The following ROBO1 variants were observed in gnomAD, a reference collection of about 807,000 sequenced individuals.
ROBO1 encodes the protein roundabout homolog 1.
In ROBO1, 149 loss-of-function variants were observed where a neutral mutation model predicts 195.9. The ratio of observed to expected loss-of-function variants is 0.76; its 90% CI spans 0.67 to 0.87. The LOEUF (loss-of-function observed/expected upper bound fraction) is 0.87. Among genes scored for constraint, ROBO1 ranks in the 40% least tolerant of loss-of-function variants. The pLI is 0.00. For missense variants in ROBO1, 1,933 were observed against 2,068.3 expected (o/e 0.93, Z 1.27); for synonymous variants, 816 against 733.2 (o/e 1.11, Z -1.82).
intron 3 of ROBO1, among the ~76,000 whole-genome samples, chr3:79,034,897 C>A (rs2078356443): frequency 6.6e-6 from 1 of 151,866 alleles, no homozygotes; most frequent in Non-Finnish European, 1.5e-5. Flanking sequence ...AATATGTGAG[C>A]CCAATTTTGT....
intron 1 of ROBO1, among the ~76,000 whole-genome samples, chr3:79,633,310 A>ACAACAGGTG (rs1412689690): frequency 6.6e-6 from 1 of 150,828 alleles, no homozygotes; most frequent in Non-Finnish European, 1.5e-5. Flanking sequence ...AATAACTGGG[A>ACAACAGGTG]CAACAGGTGC....
chr3:79,495,028 G>A (rs1377206860), intron 2 of ROBO1, among the ~76,000 whole-genome samples: 1 of 152,050 alleles, frequency 6.6e-6, no homozygotes, highest in African/African-American at 2.4e-5. Flanking sequence ...TAGGTAGATA[G>A]ATAGATAGAT....
intron 4 of ROBO1, among the ~76,000 whole-genome samples, chr3:78,845,702 C>T (rs549990514): frequency 5.3e-5 from 8 of 150,854 alleles, no homozygotes; most frequent in African/African-American, 2.0e-4. Flanking sequence ...AGCCTAATGC[C>T]CATCATGTCT....
rs147250574 is a variant in ROBO1 at position 79,749,643 on chromosome 3, T to C, written c.-51+18109A>G. ...CCCCGTGTTCCAGCAACTCCAGCCATGGCTGAAAGGGAGCTTGGCCCATGG... is the reference window on the plus strand; with the variant it reads ...CCCCGTGTTCCAGCAACTCCAGCCACGGCTGAAAGGGAGCTTGGCCCATGG... On this transcript the variant is annotated intron_variant, in intron 1 of 30. Transcript: ENST00000464233. 8.5e-4 allele frequency among the ~76,000 whole-genome samples: 129 copies of C among 152,304 alleles called. No individual in the cohort carries two copies. The Middle Eastern group carries it at 0.01, about 12-fold the overall frequency.
intron 16 of ROBO1, 151 bp downstream of exon 16, chr3:78,660,875 CTAAA>C (rs1387811911): frequency 3.3e-6 from 2 of 614,374 alleles, no homozygotes; most frequent in Non-Finnish European, 5.4e-6. Context: ...TTCTAGTTTT[CTAAA>C]TAAACAAATA....
At chr3:78,870,499 C>A (rs1307464033) in intron 4 of ROBO1, among the ~76,000 whole-genome samples, 3 of 152,180 alleles carry the variant, frequency 2.0e-5, no homozygotes, top group Non-Finnish European at 4.4e-5. Context: ...AAAAAGCATT[C>A]TCTTGCATTG....
chr3:79,415,400 T>A (rs1031375988), intron 2 of ROBO1, among the ~76,000 whole-genome samples: 2 of 152,128 alleles, frequency 1.3e-5, no homozygotes, highest in African/African-American at 4.8e-5. Flanking sequence ...AATTTAAAGG[T>A]TCTTTGAGAA....
chr3:79,565,635 A>G (rs1943065725), intron 2 of ROBO1, among the ~76,000 whole-genome samples: 2 of 152,122 alleles, frequency 1.3e-5, no homozygotes, highest in South Asian at 4.1e-4. Context: ...GAAACCGCCA[A>G]GATTAAAATG....
intron 2 of ROBO1, among the ~76,000 whole-genome samples, chr3:79,188,327 T>C (rs1576790990): frequency 6.6e-6 from 1 of 152,012 alleles, no homozygotes; most frequent in Middle Eastern, 3.4e-3. Flanking sequence ...AAAAAAGCAG[T>C]AGTTACATTA....
intron 10 of ROBO1, 172 bp from the exon 11 acceptor site, chr3:78,670,473 A>G (rs1423156738): frequency 1.2e-5 from 7 of 607,444 alleles, no homozygotes; most frequent in Non-Finnish European, 1.7e-5. Context: ...ACTGATTCAG[A>G]ATACTAAAAT....
At chr3:78,944,418 C>G (rs753713237) in intron 3 of ROBO1, among the ~76,000 whole-genome samples, 5 of 152,198 alleles carry the variant, frequency 3.3e-5, no homozygotes, top group Non-Finnish European at 7.3e-5. Context: ...CATCTATAAG[C>G]CAGAAAGTGA....
At chr3:79,212,815 G>T (rs1006815062) in intron 2 of ROBO1, among the ~76,000 whole-genome samples, 1 of 150,664 alleles carries the variant, frequency 6.6e-6, no homozygotes, top group African/African-American at 2.5e-5. Flanking sequence ...GTAAGACTCT[G>T]TCTCAGAAAA....
chr3:79,026,336 TTGA>T (rs2078202892), intron 3 of ROBO1, among the ~76,000 whole-genome samples: 1 of 152,124 alleles, frequency 6.6e-6, no homozygotes, highest in Non-Finnish European at 1.5e-5. Context: ...ATAAAAGTTG[TTGA>T]TGAAAGTAAT....
intron 1 of ROBO1, among the ~76,000 whole-genome samples, chr3:79,606,912 C>T (rs1286425975): frequency 6.6e-6 from 1 of 151,830 alleles, no homozygotes; most frequent in Admixed American, 6.6e-5. Context: ...CTTTATTTAG[C>T]AGGACCATCA....
chr3:78,781,155 A>T (rs932456458), intron 4 of ROBO1, among the ~76,000 whole-genome samples: 5 of 152,132 alleles, frequency 3.3e-5, no homozygotes, highest in African/African-American at 7.2e-5. Flanking sequence ...TTTTGCCCTT[A>T]TCCATTTCCT....
At chr3:79,058,345 T>C (rs765093206) in intron 3 of ROBO1, among the ~76,000 whole-genome samples, 2 of 152,064 alleles carry the variant, frequency 1.3e-5, no homozygotes, top group East Asian at 1.9e-4. Flanking sequence ...CTACTTTGCA[T>C]AGGAGGTTCA....
chr3:79,135,489 A>C (rs542977843), intron 2 of ROBO1, among the ~76,000 whole-genome samples: 1 of 152,326 alleles, frequency 6.6e-6, no homozygotes, highest in African/African-American at 2.4e-5. Flanking sequence ...TTCCAGAAAA[A>C]ATAACATACT....
chr3:78,697,322 A>G (rs777046484), intron 8 of ROBO1, among the ~76,000 whole-genome samples: 5 of 152,146 alleles, frequency 3.3e-5, no homozygotes, highest in Non-Finnish European at 5.9e-5. Context: ...TGCTTGTCAC[A>G]TTCAGGAGAC....
At chr3:79,053,575 C>T (rs544547449) in intron 3 of ROBO1, among the ~76,000 whole-genome samples, 35 of 152,050 alleles carry the variant, frequency 2.3e-4, no homozygotes, top group African/African-American at 4.3e-4. Flanking sequence ...GTTCCTCAAC[C>T]GGTCACTTTG....
Sources: gnomAD v4.1 joint callset for allele counts (sites outside exome capture counted in the v4.1 genomes callset) on GRCh38, gnomAD v4.1.1 for gene constraint, MANE v1.5 for transcripts, NCBI Gene and HGNC (gene_info 2026-07-23, HGNC 2026-07-21) for gene names.